Variants in FLVCR1 observed in about 807,000 individuals in gnomAD.
The protein encoded by FLVCR1 is FLVCR choline and heme transporter 1.
In FLVCR1, 34 loss-of-function variants were observed where a neutral mutation model predicts 53.6. The observed-to-expected ratio is 0.63, with a 90% CI of 0.48 to 0.84. FLVCR1 has a LOEUF of 0.84. Among genes scored for constraint, FLVCR1 ranks in the 40% least tolerant of loss-of-function variants. FLVCR1 has a pLI of 0.00. For synonymous variants in FLVCR1, 300 were observed against 286.3 expected (o/e 1.05, Z -0.48); for missense variants, 677 against 696.7 (o/e 0.97, Z 0.32).
At chr1:212,879,271 T>C (rs1664854987) in intron 3 of FLVCR1, among the ~76,000 whole-genome samples, 1 of 152,206 alleles carries the variant, frequency 6.6e-6, no homozygotes, top group Non-Finnish European at 1.5e-5. Context: ...TATTTTCTGA[T>C]AAAGTTCGAG....
chr1:212,890,075 T>C (rs1047785268), intron 8 of FLVCR1, among the ~76,000 whole-genome samples: 3 of 152,340 alleles, frequency 2.0e-5, no homozygotes. Flanking sequence ...CCTTAGCTAG[T>C]GCTTATACTT....
intron 3 of FLVCR1, among the ~76,000 whole-genome samples, chr1:212,877,652 C>T (rs1218097256): frequency 6.8e-6 from 1 of 147,946 alleles, no homozygotes; most frequent in Non-Finnish European, 1.5e-5. Flanking sequence ...ACATTTTCTC[C>T]CATTCTGTAA....
intron 2 of FLVCR1, among the ~76,000 whole-genome samples, chr1:212,871,438 T>C (rs1664593033): frequency 6.6e-6 from 1 of 152,210 alleles, no homozygotes; most frequent in African/African-American, 2.4e-5. Context: ...GGTCTTGCTT[T>C]ATCACCTAGG....
intron 8 of FLVCR1, among the ~76,000 whole-genome samples, chr1:212,890,668 C>G (rs983670059): frequency 6.6e-6 from 1 of 152,100 alleles, no homozygotes; most frequent in Non-Finnish European, 1.5e-5. Flanking sequence ...CCCGCAGATA[C>G]CAAGGGAGGT....
intron 8 of FLVCR1, among the ~76,000 whole-genome samples, chr1:212,892,004 C>A (rs1238560332): frequency 3.3e-5 from 5 of 152,162 alleles, no homozygotes; most frequent in Non-Finnish European, 7.4e-5. Flanking sequence ...TAGAGCAAGG[C>A]CCTAACTGTC....
rs73079978 is a variant in FLVCR1 at position 212,891,820 on chromosome 1, T to G, written c.1525+2563T>G. ...CAGATAGGCCAAAAGCTAGTCCTTTTGCACCAAACAATTAGCCAAGTTGCT... is the reference window on the plus strand; with the variant it reads ...CAGATAGGCCAAAAGCTAGTCCTTTGGCACCAAACAATTAGCCAAGTTGCT... On this transcript the variant is annotated intron_variant, in intron 8 of 9. Transcript: ENST00000366971. 4.5e-3 allele frequency among the ~76,000 whole-genome samples: 679 copies of G among 152,364 alleles called. 3 individuals are homozygous for G. The highest frequency in any genetic ancestry group is 0.016 in the African/African-American group (650 of 41,578).
chr1:212,895,061 A>G lies in FLVCR1; in HGVS notation c.1593+8A>G. Reference sequence around the variant, plus strand: ...AATGTTGATGTTAAAGCTGTAAGTAATATTTTTATGATTATACTGTTGAGA... The same window carrying G: ...AATGTTGATGTTAAAGCTGTAAGTAGTATTTTTATGATTATACTGTTGAGA... On this transcript the variant is annotated splice_region_variant and intron_variant, in intron 9 of 9. Transcript: ENST00000366971. The G allele has an allele frequency of 6.6e-7, 1 of 1,507,948 alleles. No individual in the cohort carries two copies. Among genetic ancestry groups the G allele is most frequent in the African/African-American group, 1.4e-5 (1 of 72,968 alleles). The allele number at this position is 1,507,948 out of a possible 1,614,324, so 93.4% of individuals were successfully genotyped here. A position where few individuals can be genotyped will look rare whatever the true frequency, so the allele number is the denominator to read the frequency against.
At chr1:212,860,388 A>C (rs1479273889) in intron 1 of FLVCR1, among the ~76,000 whole-genome samples, 1 of 50,008 alleles carries the variant, frequency 2.0e-5, no homozygotes, top group Non-Finnish European at 5.2e-5. Context: ...GGGTTTCTCC[A>C]TGTTGCTCAT....
rs555360108 is a variant in FLVCR1 at position 212,883,729 on chromosome 1, A to G, written c.1092+291A>G. ...GGCTTTATAGGCAGAAAAAGGCTGA[A>G]GAAAGCAGAAACAAGGAACAAAGAG... On this transcript the variant is annotated intron_variant, in intron 4 of 9. Coordinates refer to ENST00000366971, the MANE Select transcript of FLVCR1 (RefSeq NM_014053.4). Among the ~76,000 whole-genome samples the G allele has an allele frequency of 7.2e-5, 11 of 152,324 alleles. No individual in the cohort carries two copies. In the East Asian group the frequency reaches 2.1e-3, roughly 29 times the overall value.
chr1:212,880,426 G>T (rs1664891376), intron 3 of FLVCR1, among the ~76,000 whole-genome samples: 1 of 152,128 alleles, frequency 6.6e-6, no homozygotes, highest in Non-Finnish European at 1.5e-5. Context: ...ATGAGTAAGG[G>T]ATAGACATCA....
intron 1 of FLVCR1, 143 bp from the exon 2 acceptor site, chr1:212,863,582 C>A (rs868121409): frequency 6.7e-4 from 407 of 604,794 alleles, no homozygotes; most frequent in Admixed American, 9.1e-4. Flanking sequence ...GACTTTGTCT[C>A]AAAAAAAAAA....
chr1:212,860,350 G>GTGTTTTTTTTTTTTTTTTTTTTTT, intron 1 of FLVCR1, among the ~76,000 whole-genome samples: 1 of 85,850 alleles, frequency 1.2e-5, no homozygotes, highest in East Asian at 4.1e-4. Flanking sequence ...TGTGTGTGTG[G>GTGTTTTTTTTTTTTTTTTTTTTTT]TTTTTTTTTT....
rs1295582775 is a variant in FLVCR1 at position 212,896,954 on chromosome 1, TCA to T, written c.*1667_*1668del. 7.2e-6 allele frequency: 1 copy of T among 139,578 alleles called. No homozygotes were observed. Among genetic ancestry groups the T allele is most frequent in the Non-Finnish European group, 1.5e-5 (1 of 66,154 alleles). 8.6% of individuals were successfully genotyped at this position (139,578 alleles called of 1,614,324 possible). A position where few individuals can be genotyped will look rare whatever the true frequency, so the allele number is the denominator to read the frequency against. On this transcript the variant is annotated 3_prime_UTR_variant, in exon 10 of 10. Transcript: ENST00000366971. ...ACTTTGGGAGGCCAAGGCAGGTGGA[TCA>T]CAAAGTCAGGAGTTCAAAACCAGCC...
intron 2 of FLVCR1, among the ~76,000 whole-genome samples, chr1:212,865,347 T>A (rs983234769): frequency 6.6e-6 from 1 of 151,132 alleles, no homozygotes; most frequent in Non-Finnish European, 1.5e-5. Flanking sequence ...TTCTCATTGT[T>A]CAGTTCCCAC....
At chr1:212,860,281 G>A (rs1032579848) in intron 1 of FLVCR1, among the ~76,000 whole-genome samples, 1 of 150,934 alleles carries the variant, frequency 6.6e-6, no homozygotes, top group African/African-American at 2.4e-5. Flanking sequence ...AATAATTTAT[G>A]ACTGATACTT....
intron 9 of FLVCR1, 55 bp from the exon 10 acceptor site, chr1:212,895,161 T>A (rs1665300298): frequency 7.7e-6 from 11 of 1,434,264 alleles, no homozygotes; most frequent in Admixed American, 3.3e-5. Context: ...GTTGATCTGT[T>A]ATAATAGGAT....
intron 3 of FLVCR1, among the ~76,000 whole-genome samples, chr1:212,875,470 C>T (rs982330416): frequency 6.6e-6 from 1 of 152,102 alleles, no homozygotes; most frequent in Non-Finnish European, 1.5e-5. Context: ...AAAATGGCAC[C>T]AGCGAGGGTG....
In FLVCR1 at chr1:212,864,145, C is replaced by T. The variant is rs546206632; in HGVS notation, c.883+276C>T. ...TGTTGGTTTCAAATATATTACCTGC[C>T]TCCTCTTCCCATATTCGCCTACATG... is the stretch of plus-strand genomic sequence containing the variant. On this transcript the variant is annotated intron_variant, in intron 2 of 9. Transcript: ENST00000366971. Among the ~76,000 whole-genome samples the T allele has an allele frequency of 4.6e-5, 7 of 152,300 alleles. No individual in the cohort carries two copies. The East Asian group carries it at 1.4e-3, about 29-fold the overall frequency.
intron 3 of FLVCR1, among the ~76,000 whole-genome samples, chr1:212,879,110 ACAGGAC>A (rs1664851313): frequency 6.6e-6 from 1 of 152,238 alleles, no homozygotes; most frequent in South Asian, 2.1e-4. Flanking sequence ...GTTAATCCTT[ACAGGAC>A]CACTGTGTTA....
Sources: gnomAD v4.1 joint callset for allele counts (sites outside exome capture counted in the v4.1 genomes callset) on GRCh38, gnomAD v4.1.1 for gene constraint, MANE v1.5 for transcripts, NCBI Gene and HGNC (gene_info 2026-07-23, HGNC 2026-07-21) for gene names.